The following CEP57L1 variants were observed in gnomAD, a reference collection of about 807,000 sequenced individuals.
CEP57L1 encodes the protein centrosomal protein 57 like 1.
Under a neutral mutation model 61.0 loss-of-function variants are expected in CEP57L1, and 37 were observed. The ratio of observed to expected loss-of-function variants is 0.61; its 90% CI spans 0.47 to 0.80. The LOEUF (loss-of-function observed/expected upper bound fraction) is 0.80. Ranked by LOEUF, CEP57L1 falls within the 30% of genes least tolerant of loss-of-function variation. CEP57L1 has a pLI of 0.00. For missense variants in CEP57L1, 422 were observed against 524.7 expected (o/e 0.80, Z 1.91); for synonymous variants, 137 against 162.3 (o/e 0.84, Z 1.19).
chr6:109,146,715 A>G, intron 2 of CEP57L1, 43 bp from the exon 3 acceptor site: 1 of 1,320,256 alleles, frequency 7.6e-7, no homozygotes, highest in Non-Finnish European at 1.0e-6. Context: ...GTAAGTGTTC[A>G]GAAACTTTCA....
chr6:109,116,130 TTA>T (rs1348881263), intron 1 of CEP57L1, among the ~76,000 whole-genome samples: 6 of 35,296 alleles, frequency 1.7e-4, no homozygotes, highest in African/African-American at 2.6e-4. Context: ...ATGTGTTGTG[TTA>T]TGTTATGTTA....
chr6:109,111,073 G>GTA (rs1429604604), intron 1 of CEP57L1, among the ~76,000 whole-genome samples: 1 of 152,060 alleles, frequency 6.6e-6, no homozygotes, highest in African/African-American at 2.4e-5. Flanking sequence ...AAAGTCAATG[G>GTA]TAGCTTGATC....
At chr6:109,104,302 G>A (rs968986530) in intron 1 of CEP57L1, among the ~76,000 whole-genome samples, 40 of 150,288 alleles carry the variant, frequency 2.7e-4, no homozygotes, top group African/African-American at 9.3e-4. Context: ...CCCTATTAAT[G>A]TATATTTATT....
At chr6:109,095,941 G>A (rs910974082) in intron 1 of CEP57L1, among the ~76,000 whole-genome samples, 1 of 152,194 alleles carries the variant, frequency 6.6e-6, no homozygotes, top group Admixed American at 6.5e-5. Flanking sequence ...GCTTAGGGAT[G>A]TTCTGGGCTT....
intron 1 of CEP57L1, among the ~76,000 whole-genome samples, chr6:109,136,679 A>C (rs1009191540): frequency 2.0e-5 from 3 of 150,924 alleles, no homozygotes; most frequent in African/African-American, 7.3e-5. Context: ...TGAACCAAAG[A>C]AGTCTGCTCT....
At chr6:109,120,122 A>G (rs1443523786) in intron 1 of CEP57L1, among the ~76,000 whole-genome samples, 1 of 152,168 alleles carries the variant, frequency 6.6e-6, no homozygotes, top group Admixed American at 6.5e-5. Flanking sequence ...TAGTCATATT[A>G]TTCCCATTTT....
rs1305360088 is a variant in CEP57L1, at chr6:109,171,502, C to G, written c.*8532C>G. Among the ~76,000 whole-genome samples the G allele has an allele frequency of 6.6e-6, 1 of 152,036 alleles. No individual in the cohort carries two copies. The highest frequency in any genetic ancestry group is 1.9e-4 in the East Asian group (1 of 5,186). ...TTAGGTGAACTGCCCGCCTCAGCCT[C>G]CCAAAGTGCTGGGATTACAGGTGTG... On this transcript the variant is annotated 3_prime_UTR_variant, in exon 11 of 11. Transcript: ENST00000517392.
Position 109,106,755 on chromosome 6 carries a change from C to G in CEP57L1, c.-4+11180C>G, listed in dbSNP as rs530370256. On this transcript the variant is annotated intron_variant, in intron 1 of 10. Transcript: ENST00000517392. The stretch of plus-strand genomic sequence containing the variant: ...ATCAGCCTAAGCCAACATGGTGAAA[C>G]CCCCCTGTCTCTACTAAAAATACAA... Among the ~76,000 whole-genome samples, 5 of 152,026 alleles carry G rather than the reference C, an allele frequency of 3.3e-5. No homozygotes were observed. In the South Asian group the frequency reaches 1.0e-3, roughly 32 times the overall value.
chr6:109,159,227 G>A (rs1171802800), intron 8 of CEP57L1, 42 bp from the exon 9 acceptor site: 4 of 1,614,036 alleles, frequency 2.5e-6, no homozygotes, highest in South Asian at 1.1e-5. Context: ...GTCTACCAGT[G>A]CAAGCTGTTC....
chr6:109,123,249 G>A (rs1290166944), intron 1 of CEP57L1, among the ~76,000 whole-genome samples: 2 of 151,998 alleles, frequency 1.3e-5, no homozygotes, highest in African/African-American at 4.8e-5. Flanking sequence ...GACTGAGCTA[G>A]CTGGGGCCAA....
chr6:109,103,833 T>C lies in CEP57L1; in HGVS notation c.-4+8258T>C, dbSNP rs76545684. 8.3e-3 allele frequency among the ~76,000 whole-genome samples: 1,261 copies of C among 152,244 alleles called. 24 individuals are homozygous for C. The highest frequency in any genetic ancestry group is 0.029 in the African/African-American group (1,211 of 41,560). ...TTTTATAAACCAGTCTCACTACTGA[T>C]TTTATTCTTATTTTTCTACTTATTT... On this transcript the variant is annotated intron_variant, in intron 1 of 10. Coordinates refer to ENST00000517392, the MANE Select transcript of CEP57L1 (RefSeq NM_001271852.3).
chr6:109,123,566 C>T (rs1773221471), intron 1 of CEP57L1, among the ~76,000 whole-genome samples: 1 of 152,138 alleles, frequency 6.6e-6, no homozygotes, highest in Non-Finnish European at 1.5e-5. Flanking sequence ...AATGTTATTT[C>T]ACAAGCACCT....
At chr6:109,161,304 A>T (rs776711453) in intron 10 of CEP57L1, among the ~76,000 whole-genome samples, 1 of 152,226 alleles carries the variant, frequency 6.6e-6, no homozygotes, top group Non-Finnish European at 1.5e-5. Flanking sequence ...TCTTATTTTA[A>T]CAGAAAAATC....
At chr6:109,162,334 G>A (rs1472178742) in intron 10 of CEP57L1, among the ~76,000 whole-genome samples, 1 of 151,930 alleles carries the variant, frequency 6.6e-6, no homozygotes, top group Non-Finnish European at 1.5e-5. Flanking sequence ...GTTCTTCTCT[G>A]TCCTCTCTGT....
At chr6:109,135,718 G>GA (rs1213880285) in intron 1 of CEP57L1, among the ~76,000 whole-genome samples, 1 of 151,990 alleles carries the variant, frequency 6.6e-6, no homozygotes, top group African/African-American at 2.4e-5. Context: ...AAATTTACAA[G>GA]AAAAAAACAA....
At position 109,169,082 on chromosome 6, in the gene CEP57L1, CG is replaced by C. The variant is rs1415737152; in HGVS notation, c.*6115del. ...CTCTACTAAAAATACAAAAATTAGC[CG>C]GGCATGGTGGTATGTGCCTGTAATC... On this transcript the variant is annotated 3_prime_UTR_variant, in exon 11 of 11. Transcript: ENST00000517392. Among the ~76,000 whole-genome samples the C allele has an allele frequency of 3.3e-5, 5 of 151,282 alleles. No homozygotes were observed. Among genetic ancestry groups the C allele is most frequent in the African/African-American group, 9.7e-5 (4 of 41,280 alleles).
chr6:109,135,792 C>A (rs1219704762), intron 1 of CEP57L1, among the ~76,000 whole-genome samples: 1 of 152,214 alleles, frequency 6.6e-6, no homozygotes, highest in Non-Finnish European at 1.5e-5. Flanking sequence ...GACATGTATG[C>A]AGCCAACAGA....
chr6:109,100,672 CAAAAAAAAAAA>C (rs539993641), intron 1 of CEP57L1, among the ~76,000 whole-genome samples: 1 of 74,054 alleles, frequency 1.4e-5, no homozygotes. Flanking sequence ...GAGATTGTCT[CAAAAAAAAAAA>C]AAAAAAAAAG....
chr6:109,150,826 A>G (rs1267454827), intron 4 of CEP57L1, among the ~76,000 whole-genome samples: 2 of 152,120 alleles, frequency 1.3e-5, no homozygotes, highest in Admixed American at 1.3e-4. Flanking sequence ...GTACTGGTCT[A>G]GAATTCTATG....
Sources: gnomAD v4.1 joint callset for allele counts (sites outside exome capture counted in the v4.1 genomes callset) on GRCh38, gnomAD v4.1.1 for gene constraint, MANE v1.5 for transcripts, NCBI Gene and HGNC (gene_info 2026-07-23, HGNC 2026-07-21) for gene names.